Variants in NMNAT2 observed in about 807,000 individuals in gnomAD.
The protein encoded by NMNAT2 is nicotinamide nucleotide adenylyltransferase 2.
A neutral mutation model predicts 41.6 loss-of-function variants in NMNAT2; 11 were observed. That is an observed-to-expected ratio of 0.26 (90% CI 0.17 to 0.44). The LOEUF is 0.44. Among genes scored for constraint, NMNAT2 ranks in the 20% least tolerant of loss-of-function variants. The probability of loss-of-function intolerance (pLI) is 1.00; values close to 1 mark genes in which losing one functional copy is unlikely to be tolerated. For missense variants in NMNAT2, 288 were observed against 407.7 expected, an observed-to-expected ratio of 0.71 and a Z score of 2.53; for synonymous variants, 148 against 151.2, an observed-to-expected ratio of 0.98 and a Z score of 0.16.
At chr1:183,381,747 C>T (rs946240418) in intron 1 of NMNAT2, among the ~76,000 whole-genome samples, 1 of 151,950 alleles carries the variant, frequency 6.6e-6, no homozygotes, top group Non-Finnish European at 1.5e-5. Context: ...ATAACTAATA[C>T]CTAAAATAAC....
chr1:183,278,415 A>G, intron 8 of NMNAT2, 138 bp downstream of exon 8: 1 of 613,998 alleles, frequency 1.6e-6, no homozygotes, highest in Non-Finnish European at 3.0e-6. Context: ...GGTAGGTGAG[A>G]ATTTTCTACC....
At chr1:183,257,128 A>G (rs555676687) in intron 10 of NMNAT2, among the ~76,000 whole-genome samples, 1 of 151,832 alleles carries the variant, frequency 6.6e-6, no homozygotes, top group East Asian at 2.0e-4. Context: ...TATTCCTTCC[A>G]GCTGTATTTC....
At chr1:183,299,391 A>C (rs1191977608) in intron 1 of NMNAT2, among the ~76,000 whole-genome samples, 2 of 152,172 alleles carry the variant, frequency 1.3e-5, no homozygotes, top group Admixed American at 6.5e-5. Flanking sequence ...AAAATAAAAA[A>C]ATAAAAAAAG....
intron 8 of NMNAT2, among the ~76,000 whole-genome samples, chr1:183,273,823 T>G (rs965088464): frequency 2.2e-5 from 1 of 44,992 alleles, no homozygotes; most frequent in African/African-American, 1.0e-4. Flanking sequence ...TTCCTTTCTT[T>G]TCCCTCCCTC....
intron 1 of NMNAT2, among the ~76,000 whole-genome samples, chr1:183,389,271 A>G (rs916611439): frequency 6.6e-6 from 1 of 152,012 alleles, no homozygotes; most frequent in African/African-American, 2.4e-5. Context: ...ACCTTCTCAC[A>G]CTTGTCATCT....
At chr1:183,412,463 C>T (rs2485936) in intron 1 of NMNAT2, among the ~76,000 whole-genome samples, 5,249 of 152,188 alleles carry the variant, frequency 0.034, 221 homozygotes, top group African/African-American at 0.11. Flanking sequence ...GACCTCATGA[C>T]CCACCTGCCT....
Position 183,290,221 on chromosome 1 carries a change from A to G in NMNAT2, c.243-15T>C. 1 of 1,558,994 alleles carries G rather than the reference A, an allele frequency of 6.4e-7. No individual in the cohort carries two copies. Among genetic ancestry groups the G allele is most frequent in the Non-Finnish European group, 8.7e-7 (1 of 1,148,236 alleles). On this transcript the variant is annotated splice_polypyrimidine_tract_variant and intron_variant, in intron 3 of 10. Coordinates refer to ENST00000287713, the MANE Select transcript of NMNAT2 (RefSeq NM_015039.4). ...AAGGGTCCACCCTAACATCATCGGAAAGAAGTTTCCCTTGGTTTCTGTTCT... is the reference window on the plus strand; with the variant it reads ...AAGGGTCCACCCTAACATCATCGGAGAGAAGTTTCCCTTGGTTTCTGTTCT...
intron 1 of NMNAT2, among the ~76,000 whole-genome samples, chr1:183,382,915 A>G (rs1663831700): frequency 6.6e-6 from 1 of 152,116 alleles, no homozygotes; most frequent in African/African-American, 2.4e-5. Context: ...TCACAGCACC[A>G]TTAGGCAATG....
At chr1:183,413,956 A>G (rs1455383535) in intron 1 of NMNAT2, among the ~76,000 whole-genome samples, 1 of 152,134 alleles carries the variant, frequency 6.6e-6, no homozygotes, top group Admixed American at 6.5e-5. Context: ...TTCCAATTCC[A>G]ATTGTTCTCA....
intron 1 of NMNAT2, among the ~76,000 whole-genome samples, chr1:183,379,092 A>ATCTATAACTATAATCTATATCTCT: frequency 8.7e-6 from 1 of 115,246 alleles, no homozygotes; most frequent in East Asian, 2.3e-4. Context: ...CTATATCTAT[A>ATCTATAACTATAATCTATATCTCT]ATCTATAATC....
At chr1:183,396,972 C>T (rs1473741070) in intron 1 of NMNAT2, among the ~76,000 whole-genome samples, 1 of 152,176 alleles carries the variant, frequency 6.6e-6, no homozygotes, top group Non-Finnish European at 1.5e-5. Flanking sequence ...TCACACTCAA[C>T]AAATGAGTAA....
At chr1:183,332,913 G>A (rs1249041678) in intron 1 of NMNAT2, among the ~76,000 whole-genome samples, 5 of 152,208 alleles carry the variant, frequency 3.3e-5, no homozygotes, top group African/African-American at 9.7e-5. Flanking sequence ...TTTGTTTGCA[G>A]TAGCAGCCAT....
At chr1:183,254,828 A>T (rs1475977046) in intron 10 of NMNAT2, among the ~76,000 whole-genome samples, 2 of 152,136 alleles carry the variant, frequency 1.3e-5, no homozygotes, top group Admixed American at 6.5e-5. Context: ...TCCCTATCTG[A>T]TATATGATTT....
chr1:183,332,940 C>T (rs978571656), intron 1 of NMNAT2, among the ~76,000 whole-genome samples: 1 of 152,146 alleles, frequency 6.6e-6, no homozygotes, highest in Non-Finnish European at 1.5e-5. Flanking sequence ...ATTGGGAACC[C>T]CAGGGTGACA....
chr1:183,350,952 G>C (rs996755847), intron 1 of NMNAT2, among the ~76,000 whole-genome samples: 1 of 152,156 alleles, frequency 6.6e-6, no homozygotes, highest in Non-Finnish European at 1.5e-5. Context: ...CCCAGTTCCA[G>C]AACTGTGTCA....
intron 1 of NMNAT2, among the ~76,000 whole-genome samples, chr1:183,296,517 A>G (rs1401570299): frequency 8.4e-6 from 1 of 118,942 alleles, no homozygotes; most frequent in Non-Finnish European, 1.9e-5. Flanking sequence ...AGTGTGTCAC[A>G]TTTGCTTTTT....
intron 1 of NMNAT2, among the ~76,000 whole-genome samples, chr1:183,294,545 TAC>T (rs1661630697): frequency 6.6e-6 from 1 of 152,098 alleles, no homozygotes; most frequent in African/African-American, 2.4e-5. Context: ...GTAATCCCAG[TAC>T]TTTGGGAGGC....
chr1:183,365,834 A>T (rs1663401079), intron 1 of NMNAT2, among the ~76,000 whole-genome samples: 1 of 152,008 alleles, frequency 6.6e-6, no homozygotes, highest in Admixed American at 6.5e-5. Context: ...TCCCTGGGGG[A>T]CACTTGTCAC....
At position 183,341,738 on chromosome 1, in the gene NMNAT2, A is replaced by AAAAAAC. The variant is rs1557883707; in HGVS notation, c.86-47946_86-47945insGTTTTT. Among the ~76,000 whole-genome samples the AAAAAAC allele has an allele frequency of 7.0e-5, 10 of 141,988 alleles. 1 individual carries two copies. The highest frequency in any genetic ancestry group is 2.3e-4 in the African/African-American group (9 of 39,014). 93.1% of individuals were successfully genotyped at this position (141,988 alleles called of 152,430 possible). A position where few individuals can be genotyped will look rare whatever the true frequency, so the allele number is the denominator to read the frequency against. On this transcript the variant is annotated intron_variant, in intron 1 of 10. Coordinates refer to ENST00000287713, the MANE Select transcript of NMNAT2 (RefSeq NM_015039.4). ...ACAAACAAACACCAAAAAAAAAAAA[A>AAAAAAC]AAAAAAAAACCTGTTTCCTTCACTC...
Sources: allele counts gnomAD v4.1 joint callset (sites outside exome capture counted in the v4.1 genomes callset), GRCh38; gene constraint gnomAD v4.1.1; transcripts MANE v1.5; gene names NCBI Gene and HGNC (gene_info 2026-07-23, HGNC 2026-07-21).